The following MDGA2 variants were observed in gnomAD, a reference collection of about 807,000 sequenced individuals.
MDGA2 encodes the protein MAM domain containing glycosylphosphatidylinositol anchor 2.
MDGA2 carries 40 observed loss-of-function variants against 117.8 expected under a neutral mutation model. The observed-to-expected ratio is 0.34, with a 90% CI of 0.26 to 0.44. The LOEUF is 0.44. Among genes scored for constraint, MDGA2 ranks in the 20% least tolerant of loss-of-function variants. MDGA2 has a pLI of 1.00. For missense variants in MDGA2, 1,123 were observed against 1,250.6 expected (o/e 0.90, Z 1.54); for synonymous variants, 452 against 439.0 (o/e 1.03, Z -0.37).
intron 1 of MDGA2, among the ~76,000 whole-genome samples, chr14:47,479,559 TATAGTCC>T (rs1012138928): frequency 3.9e-5 from 6 of 152,170 alleles, no homozygotes; most frequent in African/African-American, 1.2e-4. Flanking sequence ...CTTTTAATGC[TATAGTCC>T]ATAAACCCAA....
At chr14:47,177,832 TTA>T (rs1363919120) in intron 3 of MDGA2, among the ~76,000 whole-genome samples, 1 of 151,976 alleles carries the variant, frequency 6.6e-6, no homozygotes, top group Non-Finnish European at 1.5e-5. Context: ...AGAAGAAATT[TTA>T]TGTTAATTTA....
At chr14:46,918,760 C>CTTTTTTTTTTT (rs34958634) in intron 10 of MDGA2, among the ~76,000 whole-genome samples, 28 of 124,758 alleles carry the variant, frequency 2.2e-4, no homozygotes, top group South Asian at 1.3e-3. Context: ...TACAGTGTAT[C>CTTTTTTTTTTT]TTTTTTTTTT....
At chr14:47,660,965 C>G (rs1897834356) in intron 1 of MDGA2, among the ~76,000 whole-genome samples, 1 of 152,076 alleles carries the variant, frequency 6.6e-6, no homozygotes, top group South Asian at 2.1e-4. Flanking sequence ...ACATATCTTT[C>G]TTTTCTAAGA....
At chr14:46,896,341 G>T (rs1191170946) in intron 10 of MDGA2, among the ~76,000 whole-genome samples, 1 of 152,040 alleles carries the variant, frequency 6.6e-6, no homozygotes, top group East Asian at 1.9e-4. Flanking sequence ...TTCTTGTTGT[G>T]AATACTTACA....
At chr14:47,133,008 C>G (rs975482334) in intron 4 of MDGA2, among the ~76,000 whole-genome samples, 1 of 151,464 alleles carries the variant, frequency 6.6e-6, no homozygotes, top group African/African-American at 2.4e-5. Context: ...TCAAATGAAT[C>G]TCTATTCTAG....
At chr14:47,064,676 G>A (rs559124889) in intron 6 of MDGA2, among the ~76,000 whole-genome samples, 2 of 152,072 alleles carry the variant, frequency 1.3e-5, no homozygotes, top group Admixed American at 1.3e-4. Flanking sequence ...ATAGAGTTAG[G>A]CTCCCTTAGA....
chr14:47,673,638 G>A lies in MDGA2; in HGVS notation c.280+879C>T, dbSNP rs1351636267. Among the ~76,000 whole-genome samples, 405 of 99,584 alleles carry A rather than the reference G, an allele frequency of 4.1e-3. 4 individuals carry two copies. The highest frequency in any genetic ancestry group is 0.013 in the African/African-American group (373 of 28,086). 65.3% of individuals were successfully genotyped at this position (99,584 alleles called of 152,430 possible). A position where few individuals can be genotyped will look rare whatever the true frequency, so the allele number is the denominator to read the frequency against. The stretch of plus-strand genomic sequence containing the variant: ...ACTATTAACTATGACCTGGATGTGT[G>A]TGTGTGTGTGTGTGTGTGTGTGTGT... On this transcript the variant is annotated intron_variant, in intron 1 of 16. Transcript: ENST00000399232.
At chr14:46,863,979 T>C (rs1353721161) in intron 14 of MDGA2, among the ~76,000 whole-genome samples, 6 of 152,074 alleles carry the variant, frequency 3.9e-5, no homozygotes, top group Non-Finnish European at 8.8e-5. Flanking sequence ...AGCAGTTACA[T>C]ATGTATACAT....
intron 1 of MDGA2, among the ~76,000 whole-genome samples, chr14:47,430,585 T>C (rs1362739293): frequency 1.3e-5 from 2 of 152,112 alleles, no homozygotes; most frequent in Non-Finnish European, 2.9e-5. Flanking sequence ...AGGGGTACCA[T>C]TATATTACTT....
chr14:47,440,320 T>C (rs1892981237), intron 1 of MDGA2, among the ~76,000 whole-genome samples: 1 of 152,116 alleles, frequency 6.6e-6, no homozygotes, highest in East Asian at 1.9e-4. Context: ...TCTCCACTAT[T>C]ACCAGAGTTC....
At chr14:47,323,078 GAC>G (rs1048568790) in intron 1 of MDGA2, among the ~76,000 whole-genome samples, 16 of 143,500 alleles carry the variant, frequency 1.1e-4, no homozygotes, top group African/African-American at 4.1e-4. Flanking sequence ...CCATTTTAAA[GAC>G]TAACCACCCA....
rs1185053075 is a variant in MDGA2 at position 46,905,485 on chromosome 14, TGTG to T, written c.2238+14524_2238+14526del. On this transcript the variant is annotated intron_variant, in intron 10 of 16. Transcript: ENST00000399232. ...TCATACATAATTGTTGATACCAATT[TGTG>T]GTATTATGCATATGCACAGTAAACA... Among the ~76,000 whole-genome samples the T allele has an allele frequency of 2.0e-5, 3 of 152,302 alleles. No individual in the cohort carries two copies. In the East Asian group the frequency reaches 5.8e-4, roughly 29 times the overall value.
At position 47,254,192 on chromosome 14, in the gene MDGA2, T is replaced by C. The variant is rs1448930914; in HGVS notation, c.421-35997A>G. On this transcript the variant is annotated intron_variant, in intron 2 of 16. Coordinates refer to ENST00000399232, the MANE Select transcript of MDGA2 (RefSeq NM_001113498.3). ...CCTGGAGACATTTCCCCCACTGTCT[T>C]GGTGATCAACATTTGGTTCCTTGTT... Among the ~76,000 whole-genome samples, 5 of 152,212 alleles carry C rather than the reference T, an allele frequency of 3.3e-5. No homozygotes were observed. In the East Asian group the frequency reaches 7.7e-4, roughly 23 times the overall value.
At chr14:47,608,718 A>T (rs1251501042) in intron 1 of MDGA2, among the ~76,000 whole-genome samples, 1 of 152,138 alleles carries the variant, frequency 6.6e-6, no homozygotes, top group Non-Finnish European at 1.5e-5. Context: ...TGTAAAAGTA[A>T]GTTTTAAAAG....
chr14:47,023,978 C>T (rs1594538252), intron 8 of MDGA2, among the ~76,000 whole-genome samples: 2 of 152,022 alleles, frequency 1.3e-5, no homozygotes, highest in Non-Finnish European at 1.5e-5. Flanking sequence ...AAAGTAAAAA[C>T]GGAACTAGCA....
rs548763877 is a variant in MDGA2, at chr14:47,279,049, G to C, written c.420+22362C>G. Among the ~76,000 whole-genome samples the C allele has an allele frequency of 2.6e-5, 4 of 152,178 alleles. No individual in the cohort carries two copies. The South Asian group carries it at 8.3e-4, about 32-fold the overall frequency. ...AATTAGGTTGCTAGTATATAATGTT[G>C]CAATGAAAACCCTTGTTATACATGT... On this transcript the variant is annotated intron_variant, in intron 2 of 16. Transcript: ENST00000399232.
chr14:47,434,845 C>T (rs1486955160), intron 1 of MDGA2, among the ~76,000 whole-genome samples: 2 of 152,004 alleles, frequency 1.3e-5, no homozygotes, highest in Admixed American at 1.3e-4. Flanking sequence ...TAATTAAAAC[C>T]AACATTGAGG....
intron 2 of MDGA2, among the ~76,000 whole-genome samples, chr14:47,224,292 T>TATAGAC (rs1278877712): frequency 1.5e-4 from 22 of 149,356 alleles, no homozygotes; most frequent in Admixed American, 1.3e-3. Context: ...CTGATATAGA[T>TATAGAC]ATAGATATAG....
At chr14:47,045,003 C>G (rs2138695191) in intron 7 of MDGA2, among the ~76,000 whole-genome samples, 1 of 152,280 alleles carries the variant, frequency 6.6e-6, no homozygotes, top group African/African-American at 2.4e-5. Context: ...ACAGGTTTGG[C>G]AGGCAACAGT....
Sources: gnomAD v4.1 joint callset for allele counts (sites outside exome capture counted in the v4.1 genomes callset) on GRCh38, gnomAD v4.1.1 for gene constraint, MANE v1.5 for transcripts, NCBI Gene and HGNC (gene_info 2026-07-23, HGNC 2026-07-21) for gene names.